Variants in TMEM131L observed in about 807,000 individuals in gnomAD.
The protein encoded by TMEM131L is transmembrane protein 131-like.
TMEM131L carries 54 observed loss-of-function variants against 192.2 expected under a neutral mutation model. The ratio of observed to expected loss-of-function variants is 0.28; its 90% CI spans 0.23 to 0.35. TMEM131L has a LOEUF of 0.35. TMEM131L is among the 10% of genes least tolerant of loss of function. The pLI, the probability that TMEM131L is intolerant of heterozygous loss-of-function variation, is 1.00. For missense variants in TMEM131L, 1,888 were observed against 1,972.9 expected, an observed-to-expected ratio of 0.96 and a Z score of 0.82; for synonymous variants, 701 against 704.9, an observed-to-expected ratio of 0.99 and a Z score of 0.09.
At chr4:153,618,192 A>G (rs1317068107) in intron 26 of TMEM131L, among the ~76,000 whole-genome samples, 1 of 152,072 alleles carries the variant, frequency 6.6e-6, no homozygotes, top group Non-Finnish European at 1.5e-5. Flanking sequence ...TGAAATCATC[A>G]CCTCTATCAG....
intron 7 of TMEM131L, among the ~76,000 whole-genome samples, chr4:153,567,099 A>G (rs1356664472): frequency 6.6e-6 from 1 of 152,238 alleles, no homozygotes; most frequent in South Asian, 2.1e-4. Flanking sequence ...CTAGAAGGGA[A>G]GCTGTAAAAT....
intron 34 of TMEM131L, 49 bp from the exon 35 acceptor site, chr4:153,636,252 G>T: frequency 6.8e-7 from 1 of 1,464,862 alleles, no homozygotes; most frequent in Non-Finnish European, 9.1e-7. Flanking sequence ...CCTTTCTAAG[G>T]CTTTTTTTTT....
Position 153,585,561 on chromosome 4 carries a change from GT to G in TMEM131L, c.1263del (p.Val422TyrfsTer2), listed in dbSNP as rs1316993890. Reference sequence around the variant, plus strand: ...GTACCGCAACCATTTTGACCGTAGTGTTGTATTAAATGATGTGTTTCTTTCC... The same window carrying G: ...GTACCGCAACCATTTTGACCGTAGTGTGTATTAAATGATGTGTTTCTTTCC... ...IWYRNHFDRS[V>X]VLNDVFLSKE... is the part of the protein sequence containing the mutation. On this transcript the variant is annotated frameshift_variant, in exon 13 of 35. Coordinates refer to ENST00000409959, the MANE Select transcript of TMEM131L (RefSeq NM_001131007.2). LOFTEE classifies it high-confidence loss of function. 6.2e-7 allele frequency: 1 copy of G among 1,614,006 alleles called. No individual in the cohort carries two copies. The highest frequency in any genetic ancestry group is 8.5e-7 in the Non-Finnish European group (1 of 1,179,948).
In TMEM131L at chr4:153,466,540, G is replaced by A; in HGVS notation, c.124+19G>A. 2 of 1,316,892 alleles carry A rather than the reference G, an allele frequency of 1.5e-6. No individual in the cohort carries two copies. The highest frequency in any genetic ancestry group is 9.7e-7 in the Non-Finnish European group (1 of 1,027,320). The allele number at this position is 1,316,892 out of a possible 1,614,324, so 81.6% of individuals were successfully genotyped here. ...GGACAAGGTCAGCCTTGCGCCGCTG[G>A]GCTCGCTCTGCCTCTCCACCCCGCC... is the stretch of plus-strand genomic sequence containing the variant. On this transcript the variant is annotated intron_variant, in intron 1 of 34. Transcript: ENST00000409959.
In TMEM131L at chr4:153,555,892, A is replaced by G. The variant is rs1272746629; in HGVS notation, c.414A>G (p.Val138=). The G allele has an allele frequency of 2.6e-6, 4 of 1,551,352 alleles. No homozygotes were observed. The East Asian group carries it at 9.8e-5, about 38-fold the overall frequency. ...SVFAAAGHFH[V]PPVPCRVIPA... ...TTGCAGCTGCTGGACATTTCCATGT[A>G]CCGCCAGTTCCCTGCAGGGTGGGTG... is the stretch of plus-strand genomic sequence containing the variant. Residue 138 remains valine (V), a synonymous_variant, in exon 5 of 35, where the codon GTA becomes GTG. Transcript: ENST00000409959. The surrounding 1 kb of genome is among the most constrained non-coding windows in gnomAD (Gnocchi z 4.1).
intron 26 of TMEM131L, among the ~76,000 whole-genome samples, chr4:153,618,126 AT>A (rs1344797012): frequency 6.6e-6 from 1 of 151,970 alleles, no homozygotes; most frequent in Non-Finnish European, 1.5e-5. Flanking sequence ...CTCTTCTTTG[AT>A]TTCTTCCTTT....
At chr4:153,633,183 A>G (rs1222130569) in intron 32 of TMEM131L, 45 of 202,454 alleles carry the variant, frequency 2.2e-4, no homozygotes, top group Non-Finnish European at 5.1e-5. Flanking sequence ...CTGTGGCATT[A>G]TTCTTGAACA....
intron 3 of TMEM131L, among the ~76,000 whole-genome samples, chr4:153,548,544 C>G (rs1737366831): frequency 6.6e-6 from 1 of 152,200 alleles, no homozygotes; most frequent in African/African-American, 2.4e-5. Context: ...ACCTTGTGAT[C>G]TGTCCGCCTC....
chr4:153,518,606 C>G (rs1580121443), intron 3 of TMEM131L, among the ~76,000 whole-genome samples: 1 of 152,168 alleles, frequency 6.6e-6, no homozygotes, highest in African/African-American at 2.4e-5. Flanking sequence ...AATAGTGATA[C>G]TCTTAAGCAT....
At chr4:153,475,673 G>A (rs1437414849) in intron 3 of TMEM131L, among the ~76,000 whole-genome samples, 2 of 147,834 alleles carry the variant, frequency 1.4e-5, no homozygotes, top group Admixed American at 1.3e-4. Context: ...ACTGTGGATC[G>A]AAAATACAGA....
At chr4:153,480,133 A>G (rs1246316367) in intron 3 of TMEM131L, among the ~76,000 whole-genome samples, 2 of 152,114 alleles carry the variant, frequency 1.3e-5, no homozygotes, top group Non-Finnish European at 2.9e-5. Context: ...AGGTCAGGAG[A>G]TCGAGACCAT....
chr4:153,583,242 G>T lies in TMEM131L; in HGVS notation c.945G>T (p.Trp315Cys). 1 of 1,406,526 alleles carries T rather than the reference G, an allele frequency of 7.1e-7. No homozygotes were observed. Among genetic ancestry groups the T allele is most frequent in the Non-Finnish European group, 1.0e-6 (1 of 991,422 alleles). 87.1% of individuals were successfully genotyped at this position (1,406,526 alleles called of 1,614,324 possible). A position where few individuals can be genotyped will look rare whatever the true frequency, so the allele number is the denominator to read the frequency against. The change falls in exon 10 of 35, where the codon TGG (tryptophan) becomes TGT (cysteine). Residue 315 changes from tryptophan to cysteine, a missense_variant. By Grantham distance (215) the Trp-to-Cys change is radical. Coordinates refer to ENST00000409959, the MANE Select transcript of TMEM131L (RefSeq NM_001131007.2). ...YILHSGNSLI[W>C]IQDIRHFSQR... ...TACATTCAGGAAACAGCCTTATATG[G>T]ATACAGGTAATTGTAAATGCTTACC...
rs1261446846 is a variant in TMEM131L, at chr4:153,473,874, T to A, written c.225T>A (p.Pro75=). 3.2e-6 allele frequency: 5 copies of A among 1,545,780 alleles called. No individual in the cohort carries two copies. The South Asian group carries it at 4.8e-5, about 15-fold the overall frequency. The change falls in exon 3 of 35, where the codon CCT becomes CCA. Residue 75 remains proline, a synonymous_variant. Coordinates refer to ENST00000409959, the MANE Select transcript of TMEM131L (RefSeq NM_001131007.2). ...QGDSEEGLEE[P]SQEQSFSDKL... is the part of the protein sequence containing the mutation. ...ATTCTGAAGAGGGTCTGGAGGAGCC[T>A]TCTCAAGAACAGAGGTAAGGAAAAA...
intron 7 of TMEM131L, among the ~76,000 whole-genome samples, chr4:153,579,055 A>G (rs1019625122): frequency 6.6e-6 from 1 of 152,182 alleles, no homozygotes; most frequent in East Asian, 1.9e-4. Context: ...TTGTTCATAG[A>G]CAAATTTAAA....
At chr4:153,510,886 C>CAA (rs751487144) in intron 3 of TMEM131L, among the ~76,000 whole-genome samples, 83 of 122,380 alleles carry the variant, frequency 6.8e-4, no homozygotes, top group African/African-American at 2.4e-3. Context: ...GACCCTGTCT[C>CAA]AAAAAAAAAA....
chr4:153,482,083 A>G (rs1043517549), intron 3 of TMEM131L, among the ~76,000 whole-genome samples: 2 of 152,140 alleles, frequency 1.3e-5, no homozygotes, highest in Non-Finnish European at 2.9e-5. Context: ...TGACCTCGTC[A>G]TCTGCCTGCC....
intron 7 of TMEM131L, among the ~76,000 whole-genome samples, chr4:153,564,318 C>G (rs1226093304): frequency 7.3e-6 from 1 of 137,374 alleles, no homozygotes; most frequent in African/African-American, 3.1e-5. Context: ...AAAAAAAGGC[C>G]CAAGGGAGCT....
At chr4:153,514,213 T>C (rs918907449) in intron 3 of TMEM131L, among the ~76,000 whole-genome samples, 5 of 152,208 alleles carry the variant, frequency 3.3e-5, no homozygotes, top group Non-Finnish European at 7.3e-5. Flanking sequence ...GTACCTTTTC[T>C]AGAGGATTGT....
At chr4:153,491,662 T>G (rs907248809) in intron 3 of TMEM131L, among the ~76,000 whole-genome samples, 2 of 152,128 alleles carry the variant, frequency 1.3e-5, no homozygotes, top group Admixed American at 6.6e-5. Flanking sequence ...TCTCTGGATA[T>G]TTGGATTATT....
Sources: allele counts gnomAD v4.1 joint callset (sites outside exome capture counted in the v4.1 genomes callset), GRCh38; gene constraint gnomAD v4.1.1; non-coding constraint Gnocchi (gnomAD v3.1); transcripts MANE v1.5; gene names NCBI Gene and HGNC (gene_info 2026-07-23, HGNC 2026-07-21).